UNC80: variants seen among roughly 807,000 people sequenced by gnomAD.
The protein encoded by UNC80 is unc-80 subunit of NALCN channel complex.
Under a neutral mutation model 384.6 loss-of-function variants are expected in UNC80, and 164 were observed. The ratio of observed to expected loss-of-function variants is 0.43; its 90% CI spans 0.38 to 0.49. The LOEUF is 0.49. UNC80 is among the 20% of genes least tolerant of loss of function. The pLI is 0.00. For missense variants in UNC80, 3,330 were observed against 4,143.0 expected, an observed-to-expected ratio of 0.80 and a Z score of 5.39; for synonymous variants, 1,486 against 1,527.8, an observed-to-expected ratio of 0.97 and a Z score of 0.64.
intron 36 of UNC80, among the ~76,000 whole-genome samples, chr2:209,929,395 C>T (rs2090677319): frequency 6.6e-6 from 1 of 152,124 alleles, no homozygotes; most frequent in South Asian, 2.1e-4. Context: ...GGCTCAACTA[C>T]TTTATCTTGC....
chr2:209,923,176 G>A (rs2090166862), intron 35 of UNC80, among the ~76,000 whole-genome samples: 1 of 152,156 alleles, frequency 6.6e-6, no homozygotes, highest in South Asian at 2.1e-4. Flanking sequence ...TAACTTTGAG[G>A]CACAAAATTT....
intron 21 of UNC80, among the ~76,000 whole-genome samples, chr2:209,848,499 G>T (rs559912522): frequency 6.6e-6 from 1 of 152,192 alleles, no homozygotes; most frequent in South Asian, 2.1e-4. Context: ...ATGGTTCAAT[G>T]GATGCAAAAT....
At chr2:209,851,645 T>G (rs2082537877) in intron 22 of UNC80, among the ~76,000 whole-genome samples, 1 of 152,062 alleles carries the variant, frequency 6.6e-6, no homozygotes, top group Non-Finnish European at 1.5e-5. Context: ...AGATTGTGTT[T>G]GTATAGTGAT....
chr2:209,992,351 C>T (rs1416104098), intron 62 of UNC80, 104 bp downstream of exon 62: 23 of 1,118,140 alleles, frequency 2.1e-5, no homozygotes, highest in South Asian at 6.2e-5. Flanking sequence ...TGGACGTGCC[C>T]GGAATCCCAG....
intron 7 of UNC80, among the ~76,000 whole-genome samples, chr2:209,807,843 G>T (rs957747906): frequency 1.3e-5 from 2 of 152,302 alleles, no homozygotes; most frequent in African/African-American, 4.8e-5. Context: ...GTGCAGTACA[G>T]CTCACACATT....
intron 55 of UNC80, among the ~76,000 whole-genome samples, chr2:209,972,589 A>G (rs537869228): frequency 4.9e-4 from 74 of 152,214 alleles, no homozygotes; most frequent in Non-Finnish European, 9.8e-4. Context: ...CAGTCATTCA[A>G]TTCAGTTGAG....
chr2:209,833,901 C>A, intron 16 of UNC80, 101 bp from the exon 17 acceptor site: 1 of 1,155,362 alleles, frequency 8.7e-7, no homozygotes, highest in Non-Finnish European at 1.2e-6. Context: ...TTCCAATGCT[C>A]ATCTAAGCCT....
intron 3 of UNC80, among the ~76,000 whole-genome samples, chr2:209,776,736 A>G (rs2076887278): frequency 6.6e-6 from 1 of 152,252 alleles, no homozygotes; most frequent in Non-Finnish European, 1.5e-5. Context: ...TTTGCCTCAG[A>G]CATTTTCCAG....
At chr2:209,865,584 G>GAAAA (rs775839043) in intron 22 of UNC80, among the ~76,000 whole-genome samples, 2 of 119,152 alleles carry the variant, frequency 1.7e-5, no homozygotes, top group African/African-American at 6.2e-5. Flanking sequence ...CTCCGTCTCA[G>GAAAA]AAAAAAAAAA....
intron 22 of UNC80, among the ~76,000 whole-genome samples, chr2:209,870,538 T>G (rs1309724324): frequency 1.3e-5 from 2 of 152,154 alleles, no homozygotes; most frequent in African/African-American, 4.8e-5. Flanking sequence ...TGAGATAGAT[T>G]CTCATCATTA....
intron 14 of UNC80, among the ~76,000 whole-genome samples, chr2:209,826,638 G>A (rs551473870): frequency 6.6e-6 from 1 of 152,154 alleles, no homozygotes; most frequent in African/African-American, 2.4e-5. Context: ...TCTGCATTTG[G>A]GCTTGCCAAA....
chr2:209,846,317 T>C (rs894700010), intron 21 of UNC80, among the ~76,000 whole-genome samples: 1 of 152,134 alleles, frequency 6.6e-6, no homozygotes, highest in Non-Finnish European at 1.5e-5. Flanking sequence ...AATCAGCTTT[T>C]TCTTTTGTGT....
At chr2:209,803,365 G>T (rs563952609) in intron 7 of UNC80, among the ~76,000 whole-genome samples, 1 of 151,978 alleles carries the variant, frequency 6.6e-6, no homozygotes. Context: ...CCTCCACAAG[G>T]GTTTCATTTT....
intron 22 of UNC80, among the ~76,000 whole-genome samples, chr2:209,862,547 G>T (rs2083414349): frequency 6.6e-6 from 1 of 150,840 alleles, no homozygotes; most frequent in African/African-American, 2.4e-5. Flanking sequence ...AGCTCTTCTT[G>T]TTGAATTGTT....
intron 39 of UNC80, among the ~76,000 whole-genome samples, chr2:209,934,874 T>C (rs754940644): frequency 6.6e-6 from 1 of 152,152 alleles, no homozygotes; most frequent in African/African-American, 2.4e-5. Flanking sequence ...GTTCTGTAGA[T>C]TATCCAAAAA....
chr2:209,807,377 T>C (rs2153826755), intron 7 of UNC80, among the ~76,000 whole-genome samples: 1 of 150,900 alleles, frequency 6.6e-6, no homozygotes. Context: ...TTTTTTTTTT[T>C]TTTTTGAGAC....
At chr2:209,965,176 C>A (rs2092708092) in intron 51 of UNC80, among the ~76,000 whole-genome samples, 1 of 152,030 alleles carries the variant, frequency 6.6e-6, no homozygotes, top group Non-Finnish European at 1.5e-5. Flanking sequence ...TGGCTCACAC[C>A]TGTAATCCCA....
intron 25 of UNC80, among the ~76,000 whole-genome samples, chr2:209,883,148 A>G (rs1312395812): frequency 6.6e-6 from 1 of 152,228 alleles, no homozygotes; most frequent in African/African-American, 2.4e-5. Context: ...AGTTGGTAGT[A>G]AAGAAAACTC....
At chr2:209,918,075 G>T in intron 32 of UNC80, 117 bp downstream of exon 32, 1 of 974,472 alleles carries the variant, frequency 1.0e-6, no homozygotes, top group East Asian at 2.6e-5. Context: ...TTTTCTCTCT[G>T]ATCATATAAG....
Sources: allele counts gnomAD v4.1 joint callset (sites outside exome capture counted in the v4.1 genomes callset), GRCh38; gene constraint gnomAD v4.1.1; transcripts MANE v1.5; gene names NCBI Gene and HGNC (gene_info 2026-07-23, HGNC 2026-07-21).